NALF1: variants seen among roughly 807,000 people sequenced by gnomAD.
NALF1 encodes the protein family with sequence similarity 155 member A.
Under a neutral mutation model 48.4 loss-of-function variants are expected in NALF1, and 3 were observed. The ratio of observed to expected loss-of-function variants is 0.06; its 90% CI spans 0.03 to 0.16. The LOEUF is 0.16. Among genes scored for constraint, NALF1 ranks in the 10% least tolerant of loss-of-function variants. NALF1 has a pLI of 1.00. For missense variants in NALF1, 526 were observed against 571.5 expected (o/e 0.92, Z 0.81); for synonymous variants, 262 against 245.7 (o/e 1.07, Z -0.62).
intron 1 of NALF1, among the ~76,000 whole-genome samples, chr13:107,709,134 C>G (rs1034480939): frequency 1.3e-5 from 2 of 152,192 alleles, no homozygotes; most frequent in Non-Finnish European, 1.5e-5. Context: ...AAAGAGAACT[C>G]ATTTGCATTA....
chr13:107,178,868 C>T (rs1014638095), intron 2 of NALF1, among the ~76,000 whole-genome samples: 5 of 152,084 alleles, frequency 3.3e-5, no homozygotes, highest in Admixed American at 2.6e-4. Context: ...TGGCGTGAAC[C>T]CAGGAGGCGG....
chr13:107,220,425 A>G (rs1354598074), intron 1 of NALF1, among the ~76,000 whole-genome samples: 2 of 152,218 alleles, frequency 1.3e-5, no homozygotes, highest in Non-Finnish European at 2.9e-5. Flanking sequence ...CAGTGATTCT[A>G]TTAGAATTTA....
intron 1 of NALF1, among the ~76,000 whole-genome samples, chr13:107,231,058 C>CAAAAAAAAAAAAAAAAAAAAAAGAAA (rs3072074): frequency 1.2e-5 from 1 of 83,588 alleles, no homozygotes; most frequent in African/African-American, 4.3e-5. Flanking sequence ...AAGACCCGGC[C>CAAAAAAAAAAAAAAAAAAAAAAGAAA]AAAAAAAAAA....
chr13:107,757,946 G>C (rs1274842618), intron 1 of NALF1, among the ~76,000 whole-genome samples: 2 of 152,064 alleles, frequency 1.3e-5, no homozygotes, highest in African/African-American at 4.8e-5. Context: ...ATTATAAATT[G>C]TATTACATTA....
chr13:107,462,699 G>A (rs561898320), intron 1 of NALF1, among the ~76,000 whole-genome samples: 2 of 152,182 alleles, frequency 1.3e-5, no homozygotes, highest in Non-Finnish European at 2.9e-5. Context: ...AGTTCCCAGA[G>A]AAACCCTAGA....
intron 1 of NALF1, among the ~76,000 whole-genome samples, chr13:107,316,773 C>A (rs1212728825): frequency 1.3e-5 from 2 of 151,450 alleles, no homozygotes; most frequent in African/African-American, 4.8e-5. Context: ...TCTTTGAGTT[C>A]TTTGTAGATT....
chr13:107,215,043 G>A (rs117561485), intron 1 of NALF1, among the ~76,000 whole-genome samples: 3,676 of 152,196 alleles, frequency 0.024, 72 homozygotes, highest in Non-Finnish European at 0.035. Context: ...CATTGGATAC[G>A]TCGGGGTCTC....
chr13:107,577,373 C>T (rs1878184477), intron 1 of NALF1, among the ~76,000 whole-genome samples: 1 of 152,078 alleles, frequency 6.6e-6, no homozygotes, highest in South Asian at 2.1e-4. Context: ...GTCAGGTGGC[C>T]ACACCTAGGA....
At chr13:107,633,078 G>A (rs535380845) in intron 1 of NALF1, among the ~76,000 whole-genome samples, 9 of 152,036 alleles carry the variant, frequency 5.9e-5, no homozygotes, top group South Asian at 2.1e-4. Flanking sequence ...CCTCTTTTTT[G>A]TGTTTTATTT....
At chr13:107,699,302 C>G (rs1028999358) in intron 1 of NALF1, among the ~76,000 whole-genome samples, 1 of 151,984 alleles carries the variant, frequency 6.6e-6, no homozygotes, top group Non-Finnish European at 1.5e-5. Context: ...TGGAAAGATA[C>G]ATTACTGAGA....
chr13:107,844,138 G>T (rs1183794736), intron 1 of NALF1, among the ~76,000 whole-genome samples: 1 of 152,068 alleles, frequency 6.6e-6, no homozygotes, highest in African/African-American at 2.4e-5. Context: ...TAGTTGATTA[G>T]GGTAATTAGA....
At chr13:107,344,295 C>CT (rs993355631) in intron 1 of NALF1, among the ~76,000 whole-genome samples, 1 of 152,016 alleles carries the variant, frequency 6.6e-6, no homozygotes, top group African/African-American at 2.4e-5. Context: ...CAAACTCTTC[C>CT]AAAAAACTGA....
At chr13:107,253,590 A>G (rs1880748728) in intron 1 of NALF1, among the ~76,000 whole-genome samples, 1 of 152,208 alleles carries the variant, frequency 6.6e-6, no homozygotes, top group Non-Finnish European at 1.5e-5. Flanking sequence ...GATTAATTCT[A>G]TAGCAAGGCC....
intron 1 of NALF1, among the ~76,000 whole-genome samples, chr13:107,850,329 A>T (rs1308016886): frequency 6.6e-6 from 1 of 152,222 alleles, no homozygotes; most frequent in Non-Finnish European, 1.5e-5. Context: ...AAGACAGAAG[A>T]ATGTTTTACA....
chr13:107,690,809 G>A (rs942398851), intron 1 of NALF1, among the ~76,000 whole-genome samples: 2 of 152,226 alleles, frequency 1.3e-5, no homozygotes, highest in Non-Finnish European at 2.9e-5. Flanking sequence ...TGCTATAAAC[G>A]CTCGTGCAGA....
intron 1 of NALF1, among the ~76,000 whole-genome samples, chr13:107,629,783 T>C (rs1831864395): frequency 1.3e-5 from 2 of 152,186 alleles, no homozygotes; most frequent in Admixed American, 1.3e-4. Flanking sequence ...GATATTCTCT[T>C]AAATATATTA....
At chr13:107,451,328 T>C (rs1884736633) in intron 1 of NALF1, among the ~76,000 whole-genome samples, 1 of 152,180 alleles carries the variant, frequency 6.6e-6, no homozygotes, top group Non-Finnish European at 1.5e-5. Context: ...TTTTCCTGAT[T>C]CCCCCTCCTA....
At chr13:107,734,164 T>G (rs561046034) in intron 1 of NALF1, among the ~76,000 whole-genome samples, 6 of 152,120 alleles carry the variant, frequency 3.9e-5, no homozygotes, top group Admixed American at 6.6e-5. Flanking sequence ...TATAATCTTA[T>G]GGGCACACCA....
intron 1 of NALF1, among the ~76,000 whole-genome samples, chr13:107,570,583 TTTA>T (rs1490667841): frequency 6.7e-6 from 1 of 149,908 alleles, no homozygotes; most frequent in African/African-American, 2.4e-5. Context: ...TTTATTTTAT[TTTA>T]TTATTATTAT....
Sources: gnomAD v4.1 joint callset for allele counts (sites outside exome capture counted in the v4.1 genomes callset) on GRCh38, gnomAD v4.1.1 for gene constraint, MANE v1.5 for transcripts, NCBI Gene and HGNC (gene_info 2026-07-23, HGNC 2026-07-21) for gene names.